Variants in PCDHA12 observed in about 807,000 individuals in gnomAD.
PCDHA12 encodes protocadherin alpha-12.
Under a neutral mutation model 60.0 loss-of-function variants are expected in PCDHA12, and 44 were observed. That is an observed-to-expected ratio of 0.73 (90% CI 0.58 to 0.94). PCDHA12 has a LOEUF of 0.94. PCDHA12 is among the 40% of genes least tolerant of loss of function. The probability of loss-of-function intolerance (pLI) is 0.00; values close to 1 mark genes in which losing one functional copy is unlikely to be tolerated. For missense variants in PCDHA12, 1,276 were observed against 1,239.7 expected, an observed-to-expected ratio of 1.03 and a Z score of -0.44; for synonymous variants, 569 against 553.0, an observed-to-expected ratio of 1.03 and a Z score of -0.40.
intron 1 of PCDHA12, among the ~76,000 whole-genome samples, chr5:140,886,184 G>T (rs894479887): frequency 6.6e-6 from 1 of 151,966 alleles, no homozygotes; most frequent in Admixed American, 6.6e-5. Flanking sequence ...GCCTAATGCT[G>T]GCAAGCAGTA....
intron 1 of PCDHA12, among the ~76,000 whole-genome samples, chr5:140,966,033 G>C (rs772770928): frequency 6.6e-6 from 1 of 152,138 alleles, no homozygotes; most frequent in African/African-American, 2.4e-5. Context: ...CAGGTGAATA[G>C]TTCCCATCGC....
intron 1 of PCDHA12, among the ~76,000 whole-genome samples, chr5:140,913,855 T>C (rs1554196077): frequency 6.6e-6 from 1 of 152,220 alleles, no homozygotes; most frequent in Admixed American, 6.5e-5. Context: ...TTCAGGAGCA[T>C]ATTGTTTAAT....
In PCDHA12 at chr5:140,875,875, G is replaced by T; in HGVS notation, c.403G>T (p.Glu135Ter). ...DINDNPPVFR[E>*]REQKVPVSES... ...TAACGACAACCCGCCGGTGTTCAGA[G>T]AAAGGGAACAAAAGGTACCTGTTTC... The change falls in exon 1 of 4, where the codon GAA becomes TAA. Residue 135 changes from glutamate (E) to a stop codon, truncating the protein, a stop_gained. Transcript: ENST00000398631. LOFTEE classifies it high-confidence loss of function. 6.2e-7 allele frequency: 1 copy of T among 1,614,232 alleles called. No individual in the cohort carries two copies. The highest frequency in any genetic ancestry group is 1.1e-5 in the South Asian group (1 of 91,086).
In PCDHA12 at chr5:140,879,424, A is replaced by T. The variant is rs181418893; in HGVS notation, c.2367+1585A>T. Reference sequence around the variant, plus strand: ...GTATTTGAGCAGGTAGGGAATGGAGATGAACATTTAAGAAAATGTTACTTT... The same window carrying T: ...GTATTTGAGCAGGTAGGGAATGGAGTTGAACATTTAAGAAAATGTTACTTT... On this transcript the variant is annotated intron_variant, in intron 1 of 3. Coordinates refer to ENST00000398631, the MANE Select transcript of PCDHA12 (RefSeq NM_018903.4). Among the ~76,000 whole-genome samples, 1,178 of 152,344 alleles carry T rather than the reference A, an allele frequency of 7.7e-3. 4 individuals carry two copies. The highest frequency in any genetic ancestry group is 0.013 in the Admixed American group (206 of 15,298).
intron 1 of PCDHA12, among the ~76,000 whole-genome samples, chr5:140,941,810 A>T (rs188836583): frequency 6.6e-5 from 10 of 152,356 alleles, no homozygotes; most frequent in Admixed American, 4.6e-4. Flanking sequence ...TGATTTCAGT[A>T]GGATGACTGC....
chr5:140,966,652 G>C (rs556593659), intron 1 of PCDHA12: 2 of 1,169,200 alleles, frequency 1.7e-6, no homozygotes, highest in Admixed American at 3.9e-5. Context: ...GAGCGTGAGC[G>C]GTGGGGGAGC....
In PCDHA12 at chr5:140,986,535, G is replaced by A. The variant is rs552843991; in HGVS notation, c.2515+3972G>A. Among the ~76,000 whole-genome samples, 134 of 152,300 alleles carry A rather than the reference G, an allele frequency of 8.8e-4. 1 individual carries two copies. Among genetic ancestry groups the A allele is most frequent in the Non-Finnish European group, 1.4e-3 (98 of 68,024 alleles). Reference sequence around the variant, plus strand: ...CCCTGCCTGTGAGGGAACTGGCCTGGCTTCAGTGGGCCAGGCTGCTTTGTT... The same window carrying A: ...CCCTGCCTGTGAGGGAACTGGCCTGACTTCAGTGGGCCAGGCTGCTTTGTT... On this transcript the variant is annotated intron_variant, in intron 3 of 3. Transcript: ENST00000398631.
chr5:140,888,583 G>C (rs2061886743), intron 1 of PCDHA12, among the ~76,000 whole-genome samples: 1 of 152,184 alleles, frequency 6.6e-6, no homozygotes, highest in African/African-American at 2.4e-5. Flanking sequence ...AGATTTGTTA[G>C]TACACATTCA....
At chr5:140,955,847 T>C (rs2095231839) in intron 1 of PCDHA12, among the ~76,000 whole-genome samples, 2 of 152,216 alleles carry the variant, frequency 1.3e-5, no homozygotes, top group Non-Finnish European at 2.9e-5. Context: ...TCATTCTCCT[T>C]GAAGAGGTCC....
chr5:140,895,670 G>A (rs551602030), intron 1 of PCDHA12, among the ~76,000 whole-genome samples: 2 of 152,132 alleles, frequency 1.3e-5, no homozygotes, highest in African/African-American at 2.4e-5. Context: ...AGAACATGTA[G>A]TATTTGGTTT....
In PCDHA12 at chr5:141,012,200, T is replaced by A. The variant is rs2098423248; in HGVS notation, c.*2263T>A. On this transcript the variant is annotated 3_prime_UTR_variant, in exon 4 of 4. Coordinates refer to ENST00000398631, the MANE Select transcript of PCDHA12 (RefSeq NM_018903.4). The stretch of plus-strand genomic sequence containing the variant: ...TAATTATAATGTATCTGTACAGCAC[T>A]TTTTACATTTGCGAAGTGCTTTCCA... 6.5e-6 allele frequency: 1 copy of A among 153,778 alleles called. No homozygotes were observed. The highest frequency in any genetic ancestry group is 1.5e-5 in the Non-Finnish European group (1 of 68,048). 9.5% of individuals were successfully genotyped at this position (153,778 alleles called of 1,614,324 possible). A position where few individuals can be genotyped will look rare whatever the true frequency, so the allele number is the denominator to read the frequency against.
At chr5:140,943,479 TAATA>T (rs1447671932) in intron 1 of PCDHA12, among the ~76,000 whole-genome samples, 1 of 151,960 alleles carries the variant, frequency 6.6e-6, no homozygotes, top group African/African-American at 2.4e-5. Context: ...TACAGTAAAA[TAATA>T]AATAGATGCT....
intron 1 of PCDHA12, among the ~76,000 whole-genome samples, chr5:140,899,881 C>G (rs1334700648): frequency 6.6e-6 from 1 of 152,146 alleles, no homozygotes; most frequent in Non-Finnish European, 1.5e-5. Context: ...TAACAGAACT[C>G]AGTGCAGCCT....
In PCDHA12 at chr5:140,903,129, A is replaced by C. The variant is rs184256724; in HGVS notation, c.2367+25290A>C. On this transcript the variant is annotated intron_variant, in intron 1 of 3. Coordinates refer to ENST00000398631, the MANE Select transcript of PCDHA12 (RefSeq NM_018903.4). ...TAGCTCTACTTCTAAATCTTTAAGA[A>C]ATCTCCAAACTGTTTTCCATAGTGG... Among the ~76,000 whole-genome samples the C allele has an allele frequency of 2.8e-3, 421 of 152,322 alleles. 2 individuals carry two copies. Among genetic ancestry groups the C allele is most frequent in the Middle Eastern group, 0.014 (4 of 294 alleles).
At chr5:140,922,316 A>G (rs983729529) in intron 1 of PCDHA12, among the ~76,000 whole-genome samples, 5 of 152,248 alleles carry the variant, frequency 3.3e-5, no homozygotes, top group Middle Eastern at 3.2e-3. Context: ...TTCACTGAAG[A>G]TCTTGGAAAG....
intron 1 of PCDHA12, among the ~76,000 whole-genome samples, chr5:140,894,286 A>T (rs2064400911): frequency 6.6e-6 from 1 of 151,788 alleles, no homozygotes; most frequent in African/African-American, 2.4e-5. Flanking sequence ...GTATTTTTGA[A>T]GTTTATTTTC....
intron 1 of PCDHA12, among the ~76,000 whole-genome samples, chr5:140,951,227 G>A (rs181202222): frequency 1.3e-5 from 2 of 152,044 alleles, no homozygotes; most frequent in African/African-American, 2.4e-5. Flanking sequence ...ATTCTTGATG[G>A]TCTTTACCTT....
At chr5:140,888,128 T>C (rs1365856723) in intron 1 of PCDHA12, among the ~76,000 whole-genome samples, 1 of 152,248 alleles carries the variant, frequency 6.6e-6, no homozygotes, top group Non-Finnish European at 1.5e-5. Flanking sequence ...TCTATGGATA[T>C]ATTTTCTTGC....
intron 1 of PCDHA12, among the ~76,000 whole-genome samples, chr5:140,943,997 T>C (rs1387803558): frequency 2.0e-5 from 3 of 152,178 alleles, no homozygotes; most frequent in African/African-American, 7.2e-5. Flanking sequence ...ACAGAACTAC[T>C]GAGTACCCCC....
Sources: gnomAD v4.1 joint callset for allele counts (sites outside exome capture counted in the v4.1 genomes callset) on GRCh38, gnomAD v4.1.1 for gene constraint, MANE v1.5 for transcripts, NCBI Gene and HGNC (gene_info 2026-07-23, HGNC 2026-07-21) for gene names.